Variants in SETBP1 observed in about 807,000 individuals in gnomAD.
SETBP1 encodes the protein SET-binding protein.
In SETBP1, 9 loss-of-function variants were observed where a neutral mutation model predicts 101.0. The ratio of observed to expected loss-of-function variants is 0.09; its 90% CI spans 0.05 to 0.16. The LOEUF is 0.16. SETBP1 is among the 10% of genes least tolerant of loss of function. SETBP1 has a pLI of 1.00. For synonymous variants in SETBP1, 818 were observed against 788.5 expected, an observed-to-expected ratio of 1.04 and a Z score of -0.63; for missense variants, 1,858 against 2,033.8, an observed-to-expected ratio of 0.91 and a Z score of 1.66.
chr18:44,690,085 A>G (rs980798136), intron 1 of SETBP1, among the ~76,000 whole-genome samples: 1 of 152,240 alleles, frequency 6.6e-6, no homozygotes, highest in Non-Finnish European at 1.5e-5. Context: ...TATCTTTAGA[A>G]CAAGAAATGA....
intron 2 of SETBP1, among the ~76,000 whole-genome samples, chr18:44,794,003 G>A (rs1432582840): frequency 6.6e-6 from 1 of 152,232 alleles, no homozygotes. Flanking sequence ...GTTAGTCAGA[G>A]TTGGACTATT....
chr18:44,730,689 G>A (rs2069820664), intron 2 of SETBP1, among the ~76,000 whole-genome samples: 1 of 152,096 alleles, frequency 6.6e-6, no homozygotes, highest in Admixed American at 6.6e-5. Flanking sequence ...ATTCCCCACT[G>A]GTCTAAGAGA....
intron 4 of SETBP1, among the ~76,000 whole-genome samples, chr18:44,959,719 C>T (rs2071569458): frequency 6.6e-6 from 1 of 151,768 alleles, no homozygotes. Flanking sequence ...AGAGGTGGGA[C>T]CTGGAAATAC....
At chr18:44,781,956 C>G (rs1268722068) in intron 2 of SETBP1, among the ~76,000 whole-genome samples, 1 of 152,158 alleles carries the variant, frequency 6.6e-6, no homozygotes, top group Non-Finnish European at 1.5e-5. Context: ...TATTTGCAAC[C>G]CTTAACGTTT....
At chr18:44,762,585 G>A (rs181317253) in intron 2 of SETBP1, among the ~76,000 whole-genome samples, 7 of 152,282 alleles carry the variant, frequency 4.6e-5, no homozygotes, top group African/African-American at 7.2e-5. Context: ...GAAGCAGAAA[G>A]GGAAGATGTA....
intron 4 of SETBP1, among the ~76,000 whole-genome samples, chr18:45,007,150 C>T (rs1276272557): frequency 6.6e-6 from 1 of 152,218 alleles, no homozygotes; most frequent in Non-Finnish European, 1.5e-5. Flanking sequence ...TCAGTCCTCT[C>T]ACTCCTGAGC....
rs148498497 is a variant in SETBP1, at chr18:44,959,789, T to C, written c.4000+6449T>C. ...AATGATACAAGACACTTTGGGAGAGTGGAGATGGTAAGGGTGGTCATGAGA... is the reference window on the plus strand; with the variant it reads ...AATGATACAAGACACTTTGGGAGAGCGGAGATGGTAAGGGTGGTCATGAGA... On this transcript the variant is annotated intron_variant, in intron 4 of 5. Transcript: ENST00000649279. 4.0e-5 allele frequency among the ~76,000 whole-genome samples: 6 copies of C among 151,652 alleles called. No homozygotes were observed. In the East Asian group the frequency reaches 1.2e-3, roughly 29 times the overall value.
intron 2 of SETBP1, among the ~76,000 whole-genome samples, chr18:44,775,981 A>G (rs374121588): frequency 1.3e-5 from 2 of 152,126 alleles, no homozygotes; most frequent in Non-Finnish European, 2.9e-5. Context: ...CTATCCCTTA[A>G]TTGCCCTTCA....
chr18:44,801,393 A>G (rs2144776955), intron 2 of SETBP1, among the ~76,000 whole-genome samples: 1 of 152,290 alleles, frequency 6.6e-6, no homozygotes, highest in South Asian at 2.1e-4. Flanking sequence ...AGGATGGGGC[A>G]TTAGACAGAG....
At chr18:44,961,945 A>G (rs2071621186) in intron 4 of SETBP1, among the ~76,000 whole-genome samples, 2 of 152,242 alleles carry the variant, frequency 1.3e-5, no homozygotes, top group Non-Finnish European at 2.9e-5. Flanking sequence ...TCAGTCTTAC[A>G]GAGCTTTTTA....
At chr18:44,945,711 C>G (rs2071191251) in intron 3 of SETBP1, among the ~76,000 whole-genome samples, 1 of 152,158 alleles carries the variant, frequency 6.6e-6, no homozygotes, top group African/African-American at 2.4e-5. Context: ...GGAGATAGTT[C>G]TGCTGAGGGC....
chr18:44,986,921 A>G (rs2072250245), intron 4 of SETBP1: 1 of 98,454 alleles, frequency 1.0e-5, no homozygotes, highest in Non-Finnish European at 2.2e-5. Flanking sequence ...ATAGTATAGT[A>G]TAGTATAGTA....
At position 44,950,257 on chromosome 18, in the gene SETBP1, C is replaced by T; in HGVS notation, c.917C>T (p.Ala306Val). The stretch of plus-strand genomic sequence containing the variant: ...TCACCAGCCCCACCCAGCAGCTCTG[C>T]TGAGTGCAACGGGCTTCAGCCCTTG... ...HSSPAPPSSS[A>V]ECNGLQPLVD... The change falls in exon 4 of 6, where the codon GCT becomes GTT. Residue 306 changes from alanine to valine, a missense_variant. Around this residue, in one of 12 missense-constraint regions of SETBP1, gnomAD observed 581 missense variants for 535.1 expected, o/e 1.09. Coordinates refer to ENST00000649279, the MANE Select transcript of SETBP1 (RefSeq NM_015559.3). The T allele has an allele frequency of 6.2e-7, 1 of 1,614,046 alleles. No homozygotes were observed. Among genetic ancestry groups the T allele is most frequent in the Non-Finnish European group, 8.5e-7 (1 of 1,180,038 alleles).
At position 44,914,919 on chromosome 18, in the gene SETBP1, G is replaced by C. The variant is rs866417510; in HGVS notation, c.541-34962G>C. On this transcript the variant is annotated intron_variant, in intron 3 of 5. Transcript: ENST00000649279. Reference sequence around the variant, plus strand: ...CAGCTGGCTGCTGGTGTAAGCTGTGGCTTTTAAAATCAACGCTTATTTTAA... The same window carrying C: ...CAGCTGGCTGCTGGTGTAAGCTGTGCCTTTTAAAATCAACGCTTATTTTAA... 3.9e-5 allele frequency among the ~76,000 whole-genome samples: 6 copies of C among 151,988 alleles called. No homozygotes were observed. The South Asian group carries it at 8.3e-4, about 21-fold the overall frequency.
intron 2 of SETBP1, among the ~76,000 whole-genome samples, chr18:44,789,505 T>A (rs944527492): frequency 6.6e-6 from 1 of 152,228 alleles, no homozygotes; most frequent in Non-Finnish European, 1.5e-5. Context: ...TAAGTGATCA[T>A]CCGAGCAGTA....
intron 4 of SETBP1, among the ~76,000 whole-genome samples, chr18:44,992,980 A>G (rs937930427): frequency 1.3e-5 from 2 of 152,096 alleles, no homozygotes; most frequent in Admixed American, 6.5e-5. Flanking sequence ...GATTTACCTC[A>G]GGAATGCAAT....
intron 5 of SETBP1, among the ~76,000 whole-genome samples, chr18:45,048,696 G>A (rs1425388763): frequency 6.6e-6 from 1 of 152,046 alleles, no homozygotes; most frequent in Non-Finnish European, 1.5e-5. Context: ...ATTAGGGCCG[G>A]GCGCGGTGGC....
chr18:44,896,539 C>T (rs541576856), intron 3 of SETBP1, among the ~76,000 whole-genome samples: 11 of 152,246 alleles, frequency 7.2e-5, no homozygotes, highest in African/African-American at 2.6e-4. Context: ...TTTTTTCCGG[C>T]TGGAGTGCAG....
intron 4 of SETBP1, among the ~76,000 whole-genome samples, chr18:45,034,402 C>T (rs536240384): frequency 6.6e-6 from 1 of 152,172 alleles, no homozygotes; most frequent in Admixed American, 6.5e-5. Flanking sequence ...AGCAGGAATC[C>T]ATAAATCAAG....
Sources: gnomAD v4.1 joint callset for allele counts (sites outside exome capture counted in the v4.1 genomes callset) on GRCh38, gnomAD v4.1.1 for gene constraint, gnomAD v4.1.1 regional missense constraint, MANE v1.5 for transcripts, NCBI Gene and HGNC (gene_info 2026-07-23, HGNC 2026-07-21) for gene names.